Variants in MAGI1 observed in about 807,000 individuals in gnomAD.
MAGI1 encodes membrane associated guanylate kinase, WW and PDZ domain containing 1.
Under a neutral mutation model 139.9 loss-of-function variants are expected in MAGI1, and 58 were observed. The observed-to-expected ratio is 0.41, with a 90% confidence interval of 0.34 to 0.52. MAGI1 has a LOEUF of 0.52. Ranked by LOEUF, MAGI1 falls within the 20% of genes least tolerant of loss-of-function variation. The pLI is 0.12. For missense variants in MAGI1, 1,874 were observed against 1,901.6 expected, an observed-to-expected ratio of 0.99 and a Z score of 0.27; for synonymous variants, 812 against 737.9, an observed-to-expected ratio of 1.10 and a Z score of -1.63.
intron 1 of MAGI1, among the ~76,000 whole-genome samples, chr3:65,840,826 T>C (rs1206858462): frequency 6.6e-6 from 1 of 152,224 alleles, no homozygotes; most frequent in African/African-American, 2.4e-5. Context: ...AATTATTTCC[T>C]CTTCTTCTAT....
chr3:65,934,579 TAC>T (rs2062958277), intron 1 of MAGI1, among the ~76,000 whole-genome samples: 1 of 152,098 alleles, frequency 6.6e-6, no homozygotes, highest in African/African-American at 2.4e-5. Flanking sequence ...AATGGTGCAG[TAC>T]ATTTAAGAAA....
intron 12 of MAGI1, among the ~76,000 whole-genome samples, chr3:65,414,425 C>G (rs569693684): frequency 6.6e-6 from 1 of 152,152 alleles, no homozygotes; most frequent in South Asian, 2.1e-4. Flanking sequence ...TGAATCCGAA[C>G]GCTTTCTTCC....
At chr3:65,870,889 C>T (rs2059915935) in intron 1 of MAGI1, among the ~76,000 whole-genome samples, 1 of 151,732 alleles carries the variant, frequency 6.6e-6, no homozygotes, top group South Asian at 2.1e-4. Flanking sequence ...TCAAGTCCAC[C>T]CTGGGCAATA....
intron 1 of MAGI1, among the ~76,000 whole-genome samples, chr3:65,718,076 G>T (rs148771572): frequency 6.6e-6 from 1 of 152,182 alleles, no homozygotes; most frequent in African/African-American, 2.4e-5. Context: ...ACCTACACTC[G>T]GGACCTTGAA....
At chr3:65,773,997 C>T (rs1054065693) in intron 1 of MAGI1, among the ~76,000 whole-genome samples, 6 of 151,644 alleles carry the variant, frequency 4.0e-5, no homozygotes, top group African/African-American at 1.5e-4. Context: ...AAAGGATAAA[C>T]AGGTTTATTA....
At chr3:65,447,972 G>A in intron 7 of MAGI1, 50 bp downstream of exon 7, 1 of 1,600,186 alleles carries the variant, frequency 6.2e-7, no homozygotes, top group East Asian at 2.2e-5. Flanking sequence ...AAACCATGCA[G>A]GCCATGTCAT....
At chr3:65,612,262 A>G (rs1426266100) in intron 2 of MAGI1, among the ~76,000 whole-genome samples, 1 of 152,066 alleles carries the variant, frequency 6.6e-6, no homozygotes, top group African/African-American at 2.4e-5. Flanking sequence ...CAAGAATAAG[A>G]ATAGTACAAA....
chr3:65,641,534 A>G (rs1056382874), intron 1 of MAGI1, among the ~76,000 whole-genome samples: 1 of 152,230 alleles, frequency 6.6e-6, no homozygotes, highest in Non-Finnish European at 1.5e-5. Flanking sequence ...GTCAAAATAT[A>G]CACACAGAAT....
chr3:65,570,094 T>C (rs954896989), intron 2 of MAGI1, among the ~76,000 whole-genome samples: 2 of 146,516 alleles, frequency 1.4e-5, no homozygotes, highest in African/African-American at 2.5e-5. Flanking sequence ...TTATTATTAT[T>C]ATTATTATTA....
chr3:65,892,947 T>C (rs139399478), intron 1 of MAGI1, among the ~76,000 whole-genome samples: 6 of 152,286 alleles, frequency 3.9e-5, no homozygotes, highest in Non-Finnish European at 7.4e-5. Flanking sequence ...GAGCTCAGAT[T>C]TGTAGCTTTT....
intron 13 of MAGI1, among the ~76,000 whole-genome samples, chr3:65,396,049 G>C (rs1047669854): frequency 2.0e-5 from 3 of 152,152 alleles, no homozygotes; most frequent in African/African-American, 7.2e-5. Flanking sequence ...AAATTCAACA[G>C]GGATTGCTGA....
At chr3:65,711,956 T>A (rs1167412010) in intron 1 of MAGI1, among the ~76,000 whole-genome samples, 1 of 151,512 alleles carries the variant, frequency 6.6e-6, no homozygotes, top group African/African-American at 2.5e-5. Flanking sequence ...CCTTACCATA[T>A]TGCAATTTAT....
chr3:65,708,771 C>T (rs2030846109), intron 1 of MAGI1, among the ~76,000 whole-genome samples: 1 of 152,196 alleles, frequency 6.6e-6, no homozygotes, highest in Non-Finnish European at 1.5e-5. Context: ...CTTCTGGTGG[C>T]TTCCAGACAG....
intron 1 of MAGI1, among the ~76,000 whole-genome samples, chr3:65,945,743 C>G (rs978823849): frequency 2.0e-5 from 3 of 152,220 alleles, no homozygotes; most frequent in African/African-American, 7.2e-5. Context: ...ATTCTGACCA[C>G]AGGGCATCCC....
intron 18 of MAGI1, among the ~76,000 whole-genome samples, chr3:65,368,273 G>A (rs1941631413): frequency 6.6e-6 from 1 of 152,124 alleles, no homozygotes; most frequent in African/African-American, 2.4e-5. Context: ...CAAGGCACAT[G>A]GACAGATTAG....
chr3:65,531,428 C>T (rs2078708619), intron 2 of MAGI1, among the ~76,000 whole-genome samples: 1 of 152,056 alleles, frequency 6.6e-6, no homozygotes, highest in African/African-American at 2.4e-5. Context: ...ATGCTTGCAA[C>T]TTTATATGAG....
chr3:65,811,745 C>T (rs1369678075), intron 1 of MAGI1, among the ~76,000 whole-genome samples: 1 of 151,606 alleles, frequency 6.6e-6, no homozygotes, highest in Non-Finnish European at 1.5e-5. Context: ...AACTGATAAA[C>T]TTTCAGGTCC....
chr3:65,659,782 T>A (rs905411615), intron 1 of MAGI1, among the ~76,000 whole-genome samples: 1 of 152,160 alleles, frequency 6.6e-6, no homozygotes, highest in African/African-American at 2.4e-5. Flanking sequence ...GGAACTGAAG[T>A]CCCACCGGCG....
chr3:65,530,970 T>A (rs1163889489), intron 2 of MAGI1, among the ~76,000 whole-genome samples: 1 of 150,944 alleles, frequency 6.6e-6, no homozygotes, highest in Non-Finnish European at 1.5e-5. Flanking sequence ...AATTTCTATT[T>A]GCATCTCTGA....
Sources: gnomAD v4.1 joint callset for allele counts (sites outside exome capture counted in the v4.1 genomes callset) on GRCh38, gnomAD v4.1.1 for gene constraint, MANE v1.5 for transcripts, NCBI Gene and HGNC (gene_info 2026-07-23, HGNC 2026-07-21) for gene names.